ASH1L: variants seen among roughly 807,000 people sequenced by gnomAD.
ASH1L encodes histone-lysine N-methyltransferase ASH1L.
ASH1L carries 23 observed loss-of-function variants against 269.0 expected under a neutral mutation model. The ratio of observed to expected loss-of-function variants is 0.09; its 90% CI spans 0.06 to 0.12. The LOEUF is 0.12. Among genes scored for constraint, ASH1L ranks in the 10% least tolerant of loss-of-function variants. ASH1L has a pLI of 1.00. For synonymous variants in ASH1L, 1,187 were observed against 1,253.5 expected (o/e 0.95, Z 1.12); for missense variants, 2,912 against 3,567.8 (o/e 0.82, Z 4.68).
At chr1:155,430,841 T>C (rs185956055) in intron 5 of ASH1L, among the ~76,000 whole-genome samples, 4 of 152,272 alleles carry the variant, frequency 2.6e-5, no homozygotes, top group Admixed American at 2.6e-4. Flanking sequence ...CAAGCTGGTC[T>C]CAAACTCCTG....
At chr1:155,395,952 T>A (rs1658308522) in intron 6 of ASH1L, 1 of 156,104 alleles carries the variant, frequency 6.4e-6, no homozygotes, top group South Asian at 2.0e-4. Flanking sequence ...TTACTTTATA[T>A]CAATACTGTG....
Position 155,483,859 on chromosome 1 carries a change from TATGGAGTG to T in ASH1L, c.421-1418_421-1411del, listed in dbSNP as rs1414402193. ...GTAGGAAGAGATATCAATATAGTGC[TATGGAGTG>T]ATTTCCAGGATATATTATTAAATGA... On this transcript the variant is annotated intron_variant, in intron 2 of 27. Transcript: ENST00000392403. Among the ~76,000 whole-genome samples, 6 of 152,044 alleles carry T rather than the reference TATGGAGTG, an allele frequency of 3.9e-5. No individual in the cohort carries two copies. The East Asian group carries it at 1.2e-3, about 29-fold the overall frequency.
At chr1:155,408,253 A>C (rs182392175) in intron 6 of ASH1L, among the ~76,000 whole-genome samples, 10 of 152,338 alleles carry the variant, frequency 6.6e-5, no homozygotes, top group East Asian at 5.8e-4. Flanking sequence ...AATCTGTGAG[A>C]TAATAAATGG....
intron 3 of ASH1L, among the ~76,000 whole-genome samples, chr1:155,465,266 C>T (rs1398721916): frequency 7.0e-6 from 1 of 143,258 alleles, no homozygotes; most frequent in Non-Finnish European, 1.5e-5. Context: ...CAAGGAATTT[C>T]CCTGGTGCCA....
intron 5 of ASH1L, chr1:155,419,562 A>C (rs1250603787): frequency 1.3e-5 from 2 of 152,224 alleles, no homozygotes; most frequent in Admixed American, 6.5e-5. Flanking sequence ...AAAATCGAAC[A>C]GATGCACATC....
chr1:155,432,508 C>G (rs1416292354), intron 5 of ASH1L, among the ~76,000 whole-genome samples: 1 of 152,084 alleles, frequency 6.6e-6, no homozygotes, highest in Non-Finnish European at 1.5e-5. Context: ...TATTATATAA[C>G]AAGTACTAGT....
intron 2 of ASH1L, among the ~76,000 whole-genome samples, chr1:155,520,575 T>C (rs1668816726): frequency 1.3e-5 from 2 of 151,850 alleles, no homozygotes; most frequent in Admixed American, 6.6e-5. Flanking sequence ...AAAAACTGCA[T>C]AAATAGGCCA....
intron 4 of ASH1L, among the ~76,000 whole-genome samples, chr1:155,443,967 G>C (rs1476673062): frequency 1.3e-5 from 2 of 148,416 alleles, no homozygotes; most frequent in African/African-American, 5.0e-5. Flanking sequence ...CCTAAGACTG[G>C]AATTACTAAA....
intron 17 of ASH1L, among the ~76,000 whole-genome samples, chr1:155,350,561 A>G (rs1338152168): frequency 6.6e-6 from 1 of 152,202 alleles, no homozygotes; most frequent in Non-Finnish European, 1.5e-5. Flanking sequence ...ATCTTATAAT[A>G]GCAAAAAGAA....
intron 10 of ASH1L, among the ~76,000 whole-genome samples, chr1:155,373,728 C>T (rs1656185618): frequency 6.6e-6 from 1 of 152,128 alleles, no homozygotes; most frequent in Non-Finnish European, 1.5e-5. Flanking sequence ...AGTGCAGTGG[C>T]ATGATCTTGG....
chr1:155,556,648 A>G (rs925678267), intron 1 of ASH1L, among the ~76,000 whole-genome samples: 1 of 151,984 alleles, frequency 6.6e-6, no homozygotes, highest in African/African-American at 2.4e-5. Flanking sequence ...TCACCACGTT[A>G]GCCAGGATGG....
At position 155,349,216 on chromosome 1, in the gene ASH1L, G is replaced by C. The variant is rs1653658294; in HGVS notation, c.7554+111C>G. 12 of 1,251,836 alleles carry C rather than the reference G, an allele frequency of 9.6e-6. No individual in the cohort carries two copies. The South Asian group carries it at 1.8e-4, about 19-fold the overall frequency. The allele number at this position is 1,251,836 out of a possible 1,614,324, so 77.5% of individuals were successfully genotyped here. A position where few individuals can be genotyped will look rare whatever the true frequency, so the allele number is the denominator to read the frequency against. On this transcript the variant is annotated intron_variant, in intron 19 of 27. Coordinates refer to ENST00000392403, the MANE Select transcript of ASH1L (RefSeq NM_018489.3). ...CCCCAAGGATACTCAAAAATGACTG[G>C]CTTTTCCAACCAGAAATATGGCTGA...
intron 1 of ASH1L, among the ~76,000 whole-genome samples, chr1:155,541,420 C>T (rs1340548763): frequency 1.3e-5 from 2 of 151,844 alleles, no homozygotes; most frequent in South Asian, 2.1e-4. Flanking sequence ...AAAAGAGTAA[C>T]CCATGCCCTA....
At chr1:155,388,151 A>G (rs1657596479) in intron 7 of ASH1L, among the ~76,000 whole-genome samples, 1 of 152,212 alleles carries the variant, frequency 6.6e-6, no homozygotes. Context: ...TCAGGAGGCC[A>G]TGGGGGAGGG....
rs544899936 is a variant in ASH1L, at chr1:155,343,153, T to C, written c.8293+161A>G. ...TTGGGACTACAGGCCTACACTGCCA[T>C]GCCCAGCTACAGAGGCAGAGTTTTG... On this transcript the variant is annotated intron_variant, in intron 24 of 27. Transcript: ENST00000392403. This position sits in a 1 kb window ranked among gnomAD's most constrained non-coding sequence, Gnocchi z 6.1. 3 of 682,932 alleles carry C rather than the reference T, an allele frequency of 4.4e-6. No homozygotes were observed. The highest frequency in any genetic ancestry group is 1.8e-5 in the African/African-American group (1 of 55,510). 42.3% of individuals were successfully genotyped at this position (682,932 alleles called of 1,614,324 possible).
chr1:155,417,530 C>T lies in ASH1L; in HGVS notation c.5829-1607G>A, dbSNP rs77000148. ...ACTGTAACCTGAGCAATTCACACAA[C>T]TCACACATGATGGCAGATACTCATT... On this transcript the variant is annotated intron_variant, in intron 5 of 27. Coordinates refer to ENST00000392403, the MANE Select transcript of ASH1L (RefSeq NM_018489.3). 1.5e-4 allele frequency among the ~76,000 whole-genome samples: 23 copies of T among 152,282 alleles called. No homozygotes were observed. The East Asian group carries it at 2.9e-3, about 19-fold the overall frequency.
At chr1:155,341,380 G>A (rs577562254) in intron 25 of ASH1L, among the ~76,000 whole-genome samples, 2 of 152,256 alleles carry the variant, frequency 1.3e-5, no homozygotes, top group South Asian at 2.1e-4. Context: ...GTTTCACCGT[G>A]TTAGCCAGGA....
intron 2 of ASH1L, among the ~76,000 whole-genome samples, chr1:155,514,639 T>C (rs77350683): frequency 0.044 from 6,718 of 152,226 alleles, 209 homozygotes; most frequent in Non-Finnish European, 0.067. Flanking sequence ...AAATGGGTCA[T>C]AAAGCAGTGG....
At position 155,481,139 on chromosome 1, in the gene ASH1L, C is replaced by T; in HGVS notation, c.1731G>A (p.Gln577=). The part of the protein sequence containing the change: ...LTRSPPETSS[Q]LAPNPLLLSS... ...TTAAAAGTAATGGATTAGGAGCCAACTGTGAAGAAGTTTCAGGGGGACTTC... is the reference window on the plus strand; with the variant it reads ...TTAAAAGTAATGGATTAGGAGCCAATTGTGAAGAAGTTTCAGGGGGACTTC... Residue 577 remains glutamine (Q), a synonymous_variant, in exon 3 of 28, where the codon CAG becomes CAA. Transcript: ENST00000392403. 2 of 1,614,076 alleles carry T rather than the reference C, an allele frequency of 1.2e-6. No individual in the cohort carries two copies. The highest frequency in any genetic ancestry group is 8.5e-7 in the Non-Finnish European group (1 of 1,179,998).
Sources: allele counts gnomAD v4.1 joint callset (sites outside exome capture counted in the v4.1 genomes callset), GRCh38; gene constraint gnomAD v4.1.1; non-coding constraint Gnocchi (gnomAD v3.1); transcripts MANE v1.5; gene names NCBI Gene and HGNC (gene_info 2026-07-23, HGNC 2026-07-21).